PFAS: variants seen among roughly 807,000 people sequenced by gnomAD.
PFAS encodes the protein FGAM synthase.
A neutral mutation model predicts 140.6 loss-of-function variants in PFAS; 97 were observed. The observed-to-expected ratio is 0.69, with a 90% confidence interval of 0.59 to 0.82. PFAS has a LOEUF of 0.82. Among genes scored for constraint, PFAS ranks in the 40% least tolerant of loss-of-function variants. The probability of loss-of-function intolerance (pLI) is 0.00; values close to 1 mark genes in which losing one functional copy is unlikely to be tolerated. For synonymous variants in PFAS, 679 were observed against 718.8 expected, an observed-to-expected ratio of 0.94 and a Z score of 0.88; for missense variants, 1,656 against 1,780.2, an observed-to-expected ratio of 0.93 and a Z score of 1.26.
intron 11 of PFAS, 27 bp downstream of exon 11, chr17:8,258,226 T>A: frequency 6.2e-7 from 1 of 1,612,638 alleles, no homozygotes; most frequent in Non-Finnish European, 8.5e-7. Flanking sequence ...TTTCTCTGGA[T>A]CCAGCCAGCT....
intron 13 of PFAS, 79 bp from the exon 14 acceptor site, chr17:8,263,495 GC>G: frequency 8.0e-7 from 1 of 1,245,788 alleles, no homozygotes; most frequent in South Asian, 1.2e-5. Flanking sequence ...CAAATTACAG[GC>G]CCCTTTGGAG....
rs774909629 is a variant in PFAS at position 8,256,315 on chromosome 17, G to A, written c.729G>A (p.Gly243=). 6.2e-7 allele frequency: 1 copy of A among 1,613,978 alleles called. No individual in the cohort carries two copies. Among genetic ancestry groups the A allele is most frequent in the Admixed American group, 1.7e-5 (1 of 60,014 alleles). ...WFFKGQLHVD[G]QKLVHSLFES... ...TCAAGGGCCAGCTCCACGTGGATGGGCAGAAGCTGGTGCACTCACTGTTTG... is the reference window on the plus strand; with the variant it reads ...TCAAGGGCCAGCTCCACGTGGATGGACAGAAGCTGGTGCACTCACTGTTTG... The change falls in exon 7 of 28, where the codon GGG becomes GGA. Residue 243 remains glycine, a synonymous_variant. Coordinates refer to ENST00000314666, the MANE Select transcript of PFAS (RefSeq NM_012393.3).
At chr17:8,256,721 T>C in intron 8 of PFAS, 73 bp downstream of exon 8, 1 of 1,567,216 alleles carries the variant, frequency 6.4e-7, no homozygotes, top group Non-Finnish European at 8.6e-7. Flanking sequence ...GCCCCTGGAG[T>C]GGGCCTGGGG....
At chr17:8,248,631 C>G (rs796375371), upstream of PFAS, among the ~76,000 whole-genome samples, 18 of 151,994 alleles carry the variant, frequency 1.2e-4, 1 homozygote, top group African/African-American at 4.3e-4. Context: ...CATCTCGGTT[C>G]ACTGCAGCCT....
chr17:8,257,005 C>A, intron 9 of PFAS, 42 bp downstream of exon 9: 1 of 1,609,042 alleles, frequency 6.2e-7, no homozygotes, highest in South Asian at 1.1e-5. Flanking sequence ...CTTCCAGATT[C>A]CTTGTCCTGG....
chr17:8,262,307 A>C (rs936676445), intron 11 of PFAS, among the ~76,000 whole-genome samples: 13 of 152,172 alleles, frequency 8.5e-5, no homozygotes, highest in Non-Finnish European at 1.5e-5. Context: ...TGTACTTGCT[A>C]ATACAAACGT....
intron 11 of PFAS, among the ~76,000 whole-genome samples, chr17:8,261,222 G>A (rs1989577713): frequency 6.6e-6 from 1 of 151,858 alleles, no homozygotes; most frequent in African/African-American, 2.4e-5. Flanking sequence ...ATGATGTTGA[G>A]CGTGTTTTCT....
chr17:8,256,510 G>A lies in PFAS; in HGVS notation c.822-14G>A, dbSNP rs1242219482. On this transcript the variant is annotated splice_polypyrimidine_tract_variant and intron_variant, in intron 7 of 27. Transcript: ENST00000314666. Reference sequence around the variant, plus strand: ...CCAGAAAGGAAGCAAGGTCCATGACGGGTATGTCCACAGTGCAATCCAGGG... The same window carrying A: ...CCAGAAAGGAAGCAAGGTCCATGACAGGTATGTCCACAGTGCAATCCAGGG... 11 of 1,613,986 alleles carry A rather than the reference G, an allele frequency of 6.8e-6. No individual in the cohort carries two copies. The highest frequency in any genetic ancestry group is 1.1e-5 in the South Asian group (1 of 91,068).
In PFAS at chr17:8,263,946, C is replaced by T. The variant is rs1276779264; in HGVS notation, c.1791+10C>T. The T allele has an allele frequency of 6.2e-7, 1 of 1,610,514 alleles. No individual in the cohort carries two copies. Among genetic ancestry groups the T allele is most frequent in the Non-Finnish European group, 8.5e-7 (1 of 1,179,726 alleles). ...CACTGGAGACCGGAGAGTGAGTTGG[C>T]CCAGGGAGTTGGGAGCAAACACTGG... On this transcript the variant is annotated intron_variant, in intron 15 of 27. Transcript: ENST00000314666.
intron 17 of PFAS, 108 bp from the exon 18 acceptor site, chr17:8,264,787 T>C (rs776973663): frequency 1.4e-4 from 137 of 993,164 alleles, no homozygotes; most frequent in South Asian, 1.9e-4. Context: ...GTTGTCTGCA[T>C]TGGGGGAAAG....
chr17:8,256,170 G>T, intron 6 of PFAS, 97 bp from the exon 7 acceptor site: 1 of 1,159,584 alleles, frequency 8.6e-7, no homozygotes, highest in Non-Finnish European at 1.2e-6. Flanking sequence ...GTATGAATTT[G>T]GCTGTAACTC....
In PFAS at chr17:8,268,689, A is replaced by G; in HGVS notation, c.3539A>G (p.Glu1180Gly). ...VGGDPNEDAA[E>G]MGPDSQPARP... ...GGCGACCCCAATGAGGATGCTGCAGAGATGGGCCCTGACTCCCAGCCAGCC... is the reference window on the plus strand; with the variant it reads ...GGCGACCCCAATGAGGATGCTGCAGGGATGGGCCCTGACTCCCAGCCAGCC... The change falls in exon 27 of 28, where the codon GAG becomes GGG. Residue 1180 changes from glutamate to glycine, a missense_variant. Transcript: ENST00000314666. 6.2e-7 allele frequency: 1 copy of G among 1,613,362 alleles called. No individual in the cohort carries two copies. The highest frequency in any genetic ancestry group is 8.5e-7 in the Non-Finnish European group (1 of 1,179,820).
chr17:8,257,592 C>G (rs766012037), intron 9 of PFAS, among the ~76,000 whole-genome samples: 2 of 151,766 alleles, frequency 1.3e-5, no homozygotes, highest in Non-Finnish European at 2.9e-5. Flanking sequence ...ACTCTGATTG[C>G]GAGATTCAGA....
At position 8,268,589 on chromosome 17, in the gene PFAS, C is replaced by G. The variant is rs141468651; in HGVS notation, c.3439C>G (p.Arg1147Gly). 6 of 1,613,000 alleles carry G rather than the reference C, an allele frequency of 3.7e-6. No homozygotes were observed. Among genetic ancestry groups the G allele is most frequent in the East Asian group, 2.2e-5 (1 of 44,808 alleles). Residue 1147 changes from arginine (R) to glycine (G), a missense_variant, in exon 27 of 28, where the codon CGG becomes GGG. Physicochemically the swap from Arg to Gly is moderately radical, Grantham distance 125. Transcript: ENST00000314666. ...GGCTGGGGCTGAGCTGAGGCGCTTC[C>G]GGAAGCGGCCAGACACCTTCAGCCT... ...PRAGAELRRF[R>G]KRPDTFSLGV... is the part of the protein sequence containing the mutation.
chr17:8,264,099 A>G (rs1989707743), intron 15 of PFAS, 113 bp from the exon 16 acceptor site: 2 of 1,501,520 alleles, frequency 1.3e-6, no homozygotes, highest in African/African-American at 1.4e-5. Flanking sequence ...CAGGGACTCA[A>G]TATGGAAACC....
intron 20 of PFAS, 53 bp downstream of exon 20, chr17:8,265,692 G>A: frequency 6.6e-7 from 1 of 1,523,372 alleles, no homozygotes; most frequent in South Asian, 1.1e-5. Context: ...TCTTTGTTTG[G>A]CTCCTGCTTT....
chr17:8,256,441 C>G (rs1341946267), intron 7 of PFAS, 34 bp downstream of exon 7: 1 of 1,613,704 alleles, frequency 6.2e-7, no homozygotes, highest in East Asian at 2.2e-5. Context: ...GCGTCAGGAC[C>G]CGGGGAGGGG....
chr17:8,269,019 C>T lies in PFAS; in HGVS notation c.3772C>T (p.His1258Tyr), dbSNP rs769364197. The T allele has an allele frequency of 7.4e-6, 12 of 1,614,040 alleles. No individual in the cohort carries two copies. The African/African-American group carries it at 1.3e-4, about 18-fold the overall frequency. ...QIEARGLAPL[H>Y]WADDDGNPTE... The stretch of plus-strand genomic sequence containing the variant: ...TGAGGCCAGGGGCTTGGCTCCACTG[C>T]ACTGGGCTGATGATGACGGGAACCC... Residue 1258 changes from histidine to tyrosine, a missense_variant, in exon 28 of 28, where the codon CAC (histidine) becomes TAC (tyrosine). By Grantham distance (83) the His-to-Tyr change is moderately conservative. Around this residue, in one of 2 missense-constraint regions of PFAS, gnomAD observed 883 missense variants for 1,023.0 expected, o/e 0.86. Transcript: ENST00000314666.
In PFAS at chr17:8,256,378, C is replaced by A. The variant is rs758231026; in HGVS notation, c.792C>A (p.Asn264Lys). 31 of 1,613,982 alleles carry A rather than the reference C, an allele frequency of 1.9e-5. No homozygotes were observed. The highest frequency in any genetic ancestry group is 2.5e-5 in the Non-Finnish European group (29 of 1,180,056). The change falls in exon 7 of 28, where the codon AAC becomes AAA. Residue 264 changes from asparagine to lysine, a missense_variant. Physicochemically the swap from Asn to Lys is moderately conservative, Grantham distance 94. Transcript: ENST00000314666. Reference protein sequence around the residue: ...IMSTQESSNPNNVLKFCDNSS... With the variant: ...IMSTQESSNPKNVLKFCDNSS... ...GCACCCAGGAATCCTCGAACCCCAA[C>A]AACGTCCTCAAATTCTGTGATAACA...
Sources: allele counts gnomAD v4.1 joint callset (sites outside exome capture counted in the v4.1 genomes callset), GRCh38; gene constraint gnomAD v4.1.1; regional missense constraint gnomAD v4.1.1; transcripts MANE v1.5; gene names NCBI Gene and HGNC (gene_info 2026-07-23, HGNC 2026-07-21).